The following ASAP2 variants were observed in gnomAD, a reference collection of about 807,000 sequenced individuals.
ASAP2 encodes ArfGAP with SH3 domain, ankyrin repeat and PH domain 2, also known as arf-GAP with SH3 domain, ANK repeat and PH domain-containing protein 2.
A neutral mutation model predicts 131.4 loss-of-function variants in ASAP2; 45 were observed. That is an observed-to-expected ratio of 0.34 (90% CI 0.27 to 0.44). The LOEUF is 0.44. Among genes scored for constraint, ASAP2 ranks in the 20% least tolerant of loss-of-function variants. The probability of loss-of-function intolerance (pLI) is 1.00; values close to 1 mark genes in which losing one functional copy is unlikely to be tolerated. For synonymous variants in ASAP2, 510 were observed against 503.0 expected (o/e 1.01, Z -0.19); for missense variants, 1,011 against 1,297.0 (o/e 0.78, Z 3.39).
chr2:9,340,970 C>T (rs1671536028), intron 9 of ASAP2, among the ~76,000 whole-genome samples: 1 of 152,160 alleles, frequency 6.6e-6, no homozygotes, highest in Non-Finnish European at 1.5e-5. Context: ...CCCACCTACC[C>T]TGCATACTCA....
intron 24 of ASAP2, among the ~76,000 whole-genome samples, chr2:9,395,609 T>C (rs199571916): frequency 2.4e-4 from 25 of 102,408 alleles, no homozygotes; most frequent in Admixed American, 7.2e-4. Flanking sequence ...TTTTTTTTTT[T>C]TTTTTTTTTT....
At chr2:9,248,593 A>G (rs940349869) in intron 1 of ASAP2, among the ~76,000 whole-genome samples, 5 of 152,076 alleles carry the variant, frequency 3.3e-5, no homozygotes, top group Admixed American at 2.0e-4. Context: ...TGTGTTCAGA[A>G]TAAACACACC....
At chr2:9,301,119 A>G (rs1231476299) in intron 3 of ASAP2, among the ~76,000 whole-genome samples, 3 of 151,618 alleles carry the variant, frequency 2.0e-5, no homozygotes, top group African/African-American at 7.3e-5. Context: ...GGCTTATCTC[A>G]TATCTTCCAA....
intron 3 of ASAP2, among the ~76,000 whole-genome samples, chr2:9,318,115 C>T (rs1376013001): frequency 1.3e-5 from 2 of 152,154 alleles, no homozygotes. Context: ...GGGCCTGGGG[C>T]CCAGAGCACC....
At chr2:9,395,799 G>A (rs1320127075) in intron 24 of ASAP2, among the ~76,000 whole-genome samples, 2 of 151,236 alleles carry the variant, frequency 1.3e-5, no homozygotes, top group East Asian at 3.9e-4. Flanking sequence ...AGTAGAGATG[G>A]GGTTTCACCG....
intron 22 of ASAP2, among the ~76,000 whole-genome samples, chr2:9,390,061 G>C (rs921829253): frequency 6.6e-6 from 1 of 152,236 alleles, no homozygotes; most frequent in African/African-American, 2.4e-5. Context: ...GGGTCATGGA[G>C]GGGTAAACTC....
chr2:9,296,298 C>G (rs1431511855), intron 2 of ASAP2, among the ~76,000 whole-genome samples: 2 of 152,238 alleles, frequency 1.3e-5, no homozygotes, highest in Non-Finnish European at 2.9e-5. Context: ...TATTCAACCA[C>G]ATTAATTTAC....
At chr2:9,302,399 C>T (rs1407548993) in intron 3 of ASAP2, among the ~76,000 whole-genome samples, 1 of 151,762 alleles carries the variant, frequency 6.6e-6, no homozygotes, top group Non-Finnish European at 1.5e-5. Flanking sequence ...TCTTGAATTC[C>T]TGACCTCGTG....
At chr2:9,270,211 C>G (rs1269283083) in intron 1 of ASAP2, among the ~76,000 whole-genome samples, 3 of 152,178 alleles carry the variant, frequency 2.0e-5, no homozygotes, top group African/African-American at 7.2e-5. Context: ...GTCTTGGGGT[C>G]TCTTCGGTTC....
intron 6 of ASAP2, among the ~76,000 whole-genome samples, chr2:9,326,935 CA>C (rs1197593344): frequency 6.6e-6 from 1 of 152,034 alleles, no homozygotes; most frequent in African/African-American, 2.4e-5. Flanking sequence ...ATTTCTAGGT[CA>C]AAATGTACAT....
At chr2:9,390,312 C>A (rs1468770104) in intron 22 of ASAP2, among the ~76,000 whole-genome samples, 2 of 152,186 alleles carry the variant, frequency 1.3e-5, no homozygotes, top group Non-Finnish European at 2.9e-5. Context: ...GGACCTGGCT[C>A]CCCAGGGGAG....
intron 1 of ASAP2, among the ~76,000 whole-genome samples, chr2:9,213,393 T>G (rs575566541): frequency 6.6e-6 from 1 of 152,316 alleles, no homozygotes; most frequent in African/African-American, 2.4e-5. Context: ...ACAGAGGGCC[T>G]TGTCCATCTT....
chr2:9,269,875 C>T (rs756101499), intron 1 of ASAP2, among the ~76,000 whole-genome samples: 5 of 152,236 alleles, frequency 3.3e-5, no homozygotes, highest in Admixed American at 1.3e-4. Context: ...CCCTTACCCA[C>T]AGTGTGCACC....
chr2:9,269,603 C>T (rs764480854), intron 1 of ASAP2, among the ~76,000 whole-genome samples: 14 of 152,208 alleles, frequency 9.2e-5, no homozygotes, highest in Admixed American at 2.6e-4. Context: ...CTCCGGGTGA[C>T]CCCAGAGGTG....
chr2:9,313,672 C>G (rs1253741058), intron 3 of ASAP2, among the ~76,000 whole-genome samples: 1 of 152,170 alleles, frequency 6.6e-6, no homozygotes, highest in African/African-American at 2.4e-5. Context: ...GGGTTCAGGA[C>G]CAAATTGACC....
intron 3 of ASAP2, among the ~76,000 whole-genome samples, chr2:9,305,727 G>T (rs62121342): frequency 6.8e-4 from 52 of 76,088 alleles, no homozygotes; most frequent in African/African-American, 1.3e-3. Flanking sequence ...GATATTGGTG[G>T]AGAGGCTGTA....
Position 9,405,111 on chromosome 2 carries a change from C to T in ASAP2, c.*1784C>T, listed in dbSNP as rs1003946843. 2.0e-5 allele frequency: 3 copies of T among 152,348 alleles called. No homozygotes were observed. Among genetic ancestry groups the T allele is most frequent in the African/African-American group, 7.2e-5 (3 of 41,412 alleles). 9.4% of individuals were successfully genotyped at this position (152,348 alleles called of 1,614,324 possible). ...TTCATATCAACATTAGAACTCCAGTCCCAAACTAATCTGTCAGGTTCACTG... is the reference window on the plus strand; with the variant it reads ...TTCATATCAACATTAGAACTCCAGTTCCAAACTAATCTGTCAGGTTCACTG... On this transcript the variant is annotated 3_prime_UTR_variant, in exon 28 of 28. Coordinates refer to ENST00000281419, the MANE Select transcript of ASAP2 (RefSeq NM_003887.3).
At chr2:9,322,048 G>A (rs1455095653) in intron 5 of ASAP2, among the ~76,000 whole-genome samples, 1 of 152,194 alleles carries the variant, frequency 6.6e-6, no homozygotes, top group African/African-American at 2.4e-5. Flanking sequence ...TCTTGCCTGT[G>A]AAGGAGTGTC....
At chr2:9,335,207 C>T (rs1303667823) in intron 9 of ASAP2, 28 bp downstream of exon 9, 4 of 1,595,898 alleles carry the variant, frequency 2.5e-6, no homozygotes, top group Non-Finnish European at 2.6e-6. Context: ...TGAAAGATTG[C>T]AGTTTTCACC....
Sources: gnomAD v4.1 joint callset for allele counts (sites outside exome capture counted in the v4.1 genomes callset) on GRCh38, gnomAD v4.1.1 for gene constraint, MANE v1.5 for transcripts, NCBI Gene and HGNC (gene_info 2026-07-23, HGNC 2026-07-21) for gene names.